The following SAV1 variants were observed in gnomAD, a reference collection of about 807,000 sequenced individuals.
SAV1 encodes salvador family WW domain containing protein 1.
In SAV1, 23 loss-of-function variants were observed where a neutral mutation model predicts 47.3. The observed-to-expected ratio is 0.49, with a 90% CI of 0.35 to 0.69. SAV1 has a LOEUF of 0.69. Ranked by LOEUF, SAV1 falls within the 30% of genes least tolerant of loss-of-function variation. The pLI, the probability that SAV1 is intolerant of heterozygous loss-of-function variation, is 0.01. For missense variants in SAV1, 448 were observed against 457.4 expected (o/e 0.98, Z 0.19); for synonymous variants, 155 against 159.2 (o/e 0.97, Z 0.20).
At chr14:50,667,595 A>C (rs2140268733) in intron 1 of SAV1, 1 of 499,444 alleles carries the variant, frequency 2.0e-6, no homozygotes, top group South Asian at 2.1e-5. Flanking sequence ...TCTTCCAGTA[A>C]TCAAAACCAA....
chr14:50,637,164 T>G lies in SAV1; in HGVS notation c.951-1780A>C, dbSNP rs567074613. The stretch of plus-strand genomic sequence containing the variant: ...GGAAGGTAAATATATTTAATTGGAC[T>G]GCCAATTTCACTCAGTTACTTGAGA... On this transcript the variant is annotated intron_variant, in intron 4 of 4. Transcript: ENST00000324679. Among the ~76,000 whole-genome samples the G allele has an allele frequency of 3.3e-5, 5 of 152,320 alleles. No homozygotes were observed. In the South Asian group the frequency reaches 1.0e-3, roughly 32 times the overall value.
intron 4 of SAV1, chr14:50,637,664 GTTTTTTTT>G (rs373647297): frequency 5.1e-5 from 3 of 58,286 alleles, no homozygotes; most frequent in South Asian, 1.7e-3. Flanking sequence ...AATTTTGTCA[GTTTTTTTT>G]TTTTTTTTTT....
At chr14:50,638,357 G>A (rs1365217903) in intron 4 of SAV1, among the ~76,000 whole-genome samples, 1 of 152,134 alleles carries the variant, frequency 6.6e-6, no homozygotes, top group East Asian at 1.9e-4. Context: ...AGTAGTCCAT[G>A]CTTCTAGCAT....
chr14:50,667,805 C>G lies in SAV1; in HGVS notation c.94+69G>C, dbSNP rs561295231. On this transcript the variant is annotated intron_variant, in intron 1 of 4. Transcript: ENST00000324679. ...GAGAAGCCCTGGAGACCCGCCGGCG[C>G]CCCCGCCAGGGTCCCCGGAGCACCT... The G allele has an allele frequency of 2.3e-6, 3 of 1,302,940 alleles. No individual in the cohort carries two copies. The Admixed American group carries it at 6.2e-5, about 27-fold the overall frequency. The allele number at this position is 1,302,940 out of a possible 1,614,324, so 80.7% of individuals were successfully genotyped here.
At chr14:50,663,800 T>A (rs1429476844) in intron 2 of SAV1, among the ~76,000 whole-genome samples, 1 of 152,240 alleles carries the variant, frequency 6.6e-6, no homozygotes, top group African/African-American at 2.4e-5. Flanking sequence ...ATAAAATCAC[T>A]TGTCTTTCCG....
At chr14:50,647,929 T>C (rs759754630) in intron 2 of SAV1, among the ~76,000 whole-genome samples, 7 of 152,206 alleles carry the variant, frequency 4.6e-5, no homozygotes, top group Non-Finnish European at 1.0e-4. Context: ...GCTACAGCAA[T>C]CCCATTCCCA....
At position 50,668,282 on chromosome 14, in the gene SAV1, G is replaced by A. The variant is rs2039923877; in HGVS notation, c.-315C>T. Reference sequence around the variant, plus strand: ...CAGGGCCAGGGCCATGGTCCGCCGCGGGCCGCCGAATAACCGCTACCACTA... The same window carrying A: ...CAGGGCCAGGGCCATGGTCCGCCGCAGGCCGCCGAATAACCGCTACCACTA... On this transcript the variant is annotated 5_prime_UTR_variant, in exon 1 of 5. Coordinates refer to ENST00000324679, the MANE Select transcript of SAV1 (RefSeq NM_021818.4). The A allele has an allele frequency of 1.1e-5, 2 of 176,370 alleles. No homozygotes were observed. Among genetic ancestry groups the A allele is most frequent in the African/African-American group, 2.4e-5 (1 of 42,108 alleles). The allele number at this position is 176,370 out of a possible 1,614,324, so 10.9% of individuals were successfully genotyped here.
chr14:50,642,124 A>G (rs1206335547), intron 3 of SAV1, among the ~76,000 whole-genome samples: 1 of 152,146 alleles, frequency 6.6e-6, no homozygotes, highest in Admixed American at 6.5e-5. Context: ...AACTAATACC[A>G]CATGTTGATA....
At chr14:50,657,713 T>C (rs2039825104) in intron 2 of SAV1, among the ~76,000 whole-genome samples, 1 of 152,190 alleles carries the variant, frequency 6.6e-6, no homozygotes. Flanking sequence ...ATAAACTGGA[T>C]TCACAATTAA....
intron 2 of SAV1, among the ~76,000 whole-genome samples, chr14:50,654,732 T>C (rs1198406604): frequency 6.6e-6 from 1 of 152,184 alleles, no homozygotes; most frequent in Non-Finnish European, 1.5e-5. Context: ...TAGCCAATGA[T>C]CATTAATGGC....
At chr14:50,659,369 C>T (rs116550851) in intron 2 of SAV1, among the ~76,000 whole-genome samples, 1,765 of 152,206 alleles carry the variant, frequency 0.012, 31 homozygotes, top group African/African-American at 0.041. Context: ...AAATTAAAAA[C>T]ACCCTCAAGA....
chr14:50,644,149 G>A (rs775817895), intron 3 of SAV1, among the ~76,000 whole-genome samples: 5 of 152,148 alleles, frequency 3.3e-5, no homozygotes, highest in African/African-American at 9.7e-5. Context: ...ACAGCCACAC[G>A]TGACAACTGG....
intron 2 of SAV1, among the ~76,000 whole-genome samples, chr14:50,655,564 T>C (rs2140259527): frequency 1.3e-5 from 2 of 152,022 alleles, no homozygotes; most frequent in South Asian, 2.1e-4. Context: ...TAGGTGAGAT[T>C]ACAGGAACCT....
At chr14:50,644,476 C>G (rs113610965) in intron 3 of SAV1, among the ~76,000 whole-genome samples, 33 of 152,198 alleles carry the variant, frequency 2.2e-4, no homozygotes, top group African/African-American at 7.0e-4. Context: ...ACACCTATAA[C>G]AAAAACATTC....
intron 2 of SAV1, among the ~76,000 whole-genome samples, chr14:50,655,838 G>A (rs945080488): frequency 8.6e-5 from 13 of 151,650 alleles, no homozygotes; most frequent in Non-Finnish European, 1.6e-4. Flanking sequence ...CTGAGGTCAG[G>A]AGTTCACGAC....
chr14:50,654,819 C>A (rs940233604), intron 2 of SAV1, among the ~76,000 whole-genome samples: 1 of 152,184 alleles, frequency 6.6e-6, no homozygotes, highest in Admixed American at 6.5e-5. Flanking sequence ...CATCTGTACC[C>A]ATGGCTGCAT....
chr14:50,667,914 C>T lies in SAV1; in HGVS notation c.54G>A (p.Gln18=), dbSNP rs2039917763. The change falls in exon 1 of 5, where the codon CAG becomes CAA. Residue 18 remains glutamine (Q), a synonymous_variant. Coordinates refer to ENST00000324679, the MANE Select transcript of SAV1 (RefSeq NM_021818.4). The part of the protein sequence containing the change: ...KNEVSKPAEV[Q]GKYVKKETSP... ...ACGTCTCCTTCTTCACGTACTTCCCCTGCACCTCGGCCGGCTTGGACACTT... is the reference window on the plus strand; with the variant it reads ...ACGTCTCCTTCTTCACGTACTTCCCTTGCACCTCGGCCGGCTTGGACACTT... 6.2e-7 allele frequency: 1 copy of T among 1,613,070 alleles called. No individual in the cohort carries two copies. Among genetic ancestry groups the T allele is most frequent in the Non-Finnish European group, 8.5e-7 (1 of 1,179,554 alleles).
Position 50,665,628 on chromosome 14 carries a change from A to C in SAV1, c.95-9T>G, listed in dbSNP as rs1388941279. 2.6e-6 allele frequency: 4 copies of C among 1,564,198 alleles called. No homozygotes were observed. Among genetic ancestry groups the C allele is most frequent in the Non-Finnish European group, 3.5e-6 (4 of 1,157,490 alleles). On this transcript the variant is annotated splice_polypyrimidine_tract_variant and intron_variant, in intron 1 of 4. Transcript: ENST00000324679. ...GAATGAAGGCATAAGATCTACAATA[A>C]AACAAAGGATAAAATTACCCTTTCA...
chr14:50,645,080 C>G (rs1476938444), intron 2 of SAV1, 66 bp from the exon 3 acceptor site: 4 of 1,393,744 alleles, frequency 2.9e-6, no homozygotes, highest in Non-Finnish European at 2.9e-6. Flanking sequence ...AATGTGCCAG[C>G]TAGCAAAGTC....
Sources: allele counts gnomAD v4.1 joint callset (sites outside exome capture counted in the v4.1 genomes callset), GRCh38; gene constraint gnomAD v4.1.1; transcripts MANE v1.5; gene names NCBI Gene and HGNC (gene_info 2026-07-23, HGNC 2026-07-21).